CTXN2: variants seen among roughly 807,000 people sequenced by gnomAD.
CTXN2 encodes cortexin-2.
In CTXN2, 3 loss-of-function variants were observed where a neutral mutation model predicts 5.7. That is an observed-to-expected ratio of 0.53 (90% CI 0.24 to 1.36). CTXN2 has a LOEUF of 1.36. Among genes scored for constraint, CTXN2 ranks in the 40% most tolerant of loss-of-function variants. CTXN2 has a pLI of 0.17. For missense variants in CTXN2, 87 were observed against 93.0 expected (o/e 0.94, Z 0.26); for synonymous variants, 38 against 36.4 (o/e 1.04, Z -0.16).
At chr15:48,188,374 C>T (rs1597381654), upstream of CTXN2, among the ~76,000 whole-genome samples, 1 of 151,982 alleles carries the variant, frequency 6.6e-6, no homozygotes, top group Admixed American at 6.6e-5. Context: ...ACAGAACATA[C>T]CACTTTACCC....
At chr15:48,198,424 C>A (rs184521484) in intron 1 of CTXN2, among the ~76,000 whole-genome samples, 1 of 152,108 alleles carries the variant, frequency 6.6e-6, no homozygotes, top group Non-Finnish European at 1.5e-5. Flanking sequence ...TATTGAATAC[C>A]TACAGTGTGC....
chr15:48,195,801 A>C (rs546326728), intron 1 of CTXN2, among the ~76,000 whole-genome samples: 1 of 152,260 alleles, frequency 6.6e-6, no homozygotes, highest in Non-Finnish European at 1.5e-5. Flanking sequence ...TGTGGGAATA[A>C]AATAAAATAT....
At chr15:48,188,713 T>C (rs74481552), upstream of CTXN2, among the ~76,000 whole-genome samples, 1,114 of 152,282 alleles carry the variant, frequency 7.3e-3, 11 homozygotes, top group African/African-American at 0.026. Flanking sequence ...TGAAAATAAA[T>C]CATAGATGCT....
At chr15:48,192,829 G>A (rs937465751) in intron 1 of CTXN2, among the ~76,000 whole-genome samples, 1 of 152,120 alleles carries the variant, frequency 6.6e-6, no homozygotes, top group Admixed American at 6.5e-5. Context: ...AACACAGGAG[G>A]TTCTTTCTTT....
At chr15:48,190,382 C>G (rs956331120), upstream of CTXN2, among the ~76,000 whole-genome samples, 1 of 152,166 alleles carries the variant, frequency 6.6e-6, no homozygotes, top group Non-Finnish European at 1.5e-5. Context: ...GTCTTTCAGT[C>G]TTTCATAGAG....
intron 1 of CTXN2, among the ~76,000 whole-genome samples, chr15:48,183,587 G>C (rs2040719972): frequency 6.6e-6 from 1 of 152,152 alleles, no homozygotes. Flanking sequence ...TCTGCTCCGA[G>C]GGTTCTCAAG....
intron 1 of CTXN2, chr15:48,178,640 A>G: frequency 5.6e-6 from 1 of 179,672 alleles, no homozygotes; most frequent in Non-Finnish European, 1.2e-5. Context: ...TGTTCAATTC[A>G]TTCCAGGTAG....
intron 1 of CTXN2, among the ~76,000 whole-genome samples, chr15:48,180,991 A>G (rs1342637424): frequency 6.6e-6 from 1 of 152,240 alleles, no homozygotes; most frequent in Non-Finnish European, 1.5e-5. Context: ...TTTCTTACAA[A>G]TTAGAATGCA....
Position 48,186,638 on chromosome 15 carries a change from C to T in CTXN2, c.-454-4819C>T, listed in dbSNP as rs544736145. 7.2e-5 allele frequency among the ~76,000 whole-genome samples: 11 copies of T among 152,150 alleles called. No homozygotes were observed. In the South Asian group the frequency reaches 1.9e-3, roughly 26 times the overall value. On this transcript the variant is annotated intron_variant, in intron 1 of 2. Coordinates refer to the CTXN2 transcript ENST00000644354. ...GGAGTTGGCCAGGCGCGTTGGCTCA[C>T]GCCTGTAATCCCAGCATTTTGGGAA...
chr15:48,199,445 C>A (rs1567295486), intron 1 of CTXN2, among the ~76,000 whole-genome samples: 1 of 152,130 alleles, frequency 6.6e-6, no homozygotes, highest in Non-Finnish European at 1.5e-5. Context: ...CATGTTGTAG[C>A]CCAGCAAGTT....
chr15:48,189,585 C>T (rs899809497), upstream of CTXN2: 8 of 152,050 alleles, frequency 5.3e-5, no homozygotes, highest in Non-Finnish European at 1.0e-4. Context: ...CAGACAATGT[C>T]AAAATCAAAA....
At chr15:48,197,553 C>A (rs2040891158) in intron 1 of CTXN2, among the ~76,000 whole-genome samples, 1 of 152,040 alleles carries the variant, frequency 6.6e-6, no homozygotes, top group African/African-American at 2.4e-5. Context: ...AAGAAAAGTA[C>A]TGACATCTAA....
intron 1 of CTXN2, among the ~76,000 whole-genome samples, chr15:48,193,639 GA>G (rs2040848042): frequency 6.6e-6 from 1 of 151,964 alleles, no homozygotes; most frequent in Non-Finnish European, 1.5e-5. Context: ...AGCTTTTAGA[GA>G]AAGTGAAAAT....
upstream of CTXN2, chr15:48,188,901 A>T (rs1176958845): frequency 6.6e-6 from 1 of 152,232 alleles, no homozygotes; most frequent in Non-Finnish European, 1.5e-5. Flanking sequence ...CTAATAAAAC[A>T]TGAATAGCAT....
At chr15:48,195,601 C>A (rs2040871006) in intron 1 of CTXN2, among the ~76,000 whole-genome samples, 1 of 152,082 alleles carries the variant, frequency 6.6e-6, no homozygotes, top group Non-Finnish European at 1.5e-5. Context: ...TATTGTCATG[C>A]TTTTTTCTTC....
At chr15:48,200,519 G>A (rs1427700099) in intron 1 of CTXN2, among the ~76,000 whole-genome samples, 2 of 152,130 alleles carry the variant, frequency 1.3e-5, no homozygotes, top group Non-Finnish European at 2.9e-5. Flanking sequence ...TGTTTAACTT[G>A]GATTTTATGT....
rs541363655 is a variant in CTXN2, at chr15:48,192,105, C to G, written c.-58+252C>G. 39 of 273,858 alleles carry G rather than the reference C, an allele frequency of 1.4e-4. No homozygotes were observed. In the East Asian group the frequency reaches 3.3e-3, roughly 23 times the overall value. 17.0% of individuals were successfully genotyped at this position (273,858 alleles called of 1,614,324 possible). ...CCAGGCGGGGGAAAAGTGTTGTGTACGTGCAGATTGCTGATGCTTCTCCCA... is the reference window on the plus strand; with the variant it reads ...CCAGGCGGGGGAAAAGTGTTGTGTAGGTGCAGATTGCTGATGCTTCTCCCA... On this transcript the variant is annotated intron_variant, in intron 1 of 1. Transcript: ENST00000417307.
chr15:48,199,617 G>A (rs910249622), intron 1 of CTXN2, among the ~76,000 whole-genome samples: 1 of 152,048 alleles, frequency 6.6e-6, no homozygotes. Flanking sequence ...ATTGACAAAA[G>A]CAAGAAAATT....
At chr15:48,191,359 GAT>G (rs1223824920), upstream of CTXN2, 1 of 180,904 alleles carries the variant, frequency 5.5e-6, no homozygotes, top group African/African-American at 2.4e-5. Context: ...AGTAAACAAA[GAT>G]AATGATGAAA....
Sources: allele counts gnomAD v4.1 joint callset (sites outside exome capture counted in the v4.1 genomes callset), GRCh38; gene constraint gnomAD v4.1.1; transcripts MANE v1.5; gene names NCBI Gene and HGNC (gene_info 2026-07-23, HGNC 2026-07-21).